RAB17: variants seen among roughly 807,000 people sequenced by gnomAD.
RAB17 encodes RAB17, member RAS oncogene family, also known as ras-related protein Rab-17.
In RAB17, 15 loss-of-function variants were observed where a neutral mutation model predicts 19.3. The ratio of observed to expected loss-of-function variants is 0.78; its 90% CI spans 0.52 to 1.20. The LOEUF is 1.20. Among genes scored for constraint, RAB17 ranks in the 50% most tolerant of loss-of-function variants. RAB17 has a pLI of 0.00. For synonymous variants in RAB17, 110 were observed against 112.8 expected, an observed-to-expected ratio of 0.97 and a Z score of 0.16; for missense variants, 262 against 269.3, an observed-to-expected ratio of 0.97 and a Z score of 0.19.
At chr2:237,582,350 G>T (rs953038626) in intron 2 of RAB17, among the ~76,000 whole-genome samples, 1 of 152,216 alleles carries the variant, frequency 6.6e-6, no homozygotes, top group African/African-American at 2.4e-5. Context: ...CCTCCTGAAG[G>T]CTGACCCCTC....
At chr2:237,582,423 C>T (rs532751450) in intron 2 of RAB17, among the ~76,000 whole-genome samples, 1 of 152,330 alleles carries the variant, frequency 6.6e-6, no homozygotes, top group African/African-American at 2.4e-5. Flanking sequence ...CATGGAGAGG[C>T]CACTCCAGGA....
At position 237,585,991 on chromosome 2, in the gene RAB17, C is replaced by G. The variant is rs760897786; in HGVS notation, c.157+7G>C. On this transcript the variant is annotated splice_region_variant and intron_variant, in intron 2 of 5. Transcript: ENST00000264601. ...GACCAACAAAGGGGTGCTCTGCCCT[C>G]ACTTACAGCCCACCGTAGGCAGGAT... 1 of 1,596,854 alleles carries G rather than the reference C, an allele frequency of 6.3e-7. No individual in the cohort carries two copies. The highest frequency in any genetic ancestry group is 8.5e-7 in the Non-Finnish European group (1 of 1,171,488).
At chr2:237,586,447 T>C (rs2081351161) in intron 1 of RAB17, among the ~76,000 whole-genome samples, 2 of 152,196 alleles carry the variant, frequency 1.3e-5, no homozygotes, top group Admixed American at 6.5e-5. Context: ...TGATTACATG[T>C]GACGGTCTCA....
At chr2:237,587,694 A>G (rs1294193237) in intron 1 of RAB17, among the ~76,000 whole-genome samples, 1 of 152,184 alleles carries the variant, frequency 6.6e-6, no homozygotes, top group African/African-American at 2.4e-5. Flanking sequence ...AGGGTTCCAC[A>G]TAGTAGACTC....
At chr2:237,585,751 C>A (rs936563583) in intron 2 of RAB17, among the ~76,000 whole-genome samples, 1 of 152,196 alleles carries the variant, frequency 6.6e-6, no homozygotes, top group African/African-American at 2.4e-5. Context: ...ACCCCAGAAT[C>A]TCCACCCCCT....
intron 4 of RAB17, among the ~76,000 whole-genome samples, chr2:237,576,374 A>C (rs1559393715): frequency 1.3e-5 from 2 of 152,054 alleles, no homozygotes; most frequent in Admixed American, 6.5e-5. Context: ...TGCCTGCCCA[A>C]GCACACAGCC....
At chr2:237,577,186 A>G (rs2081271911) in intron 4 of RAB17, 71 bp downstream of exon 4, 6 of 1,545,388 alleles carry the variant, frequency 3.9e-6, no homozygotes, top group Middle Eastern at 2.4e-4. Flanking sequence ...TGTGAGTGCC[A>G]AGGTCTTGAC....
At chr2:237,580,759 G>A (rs567690889) in intron 2 of RAB17, among the ~76,000 whole-genome samples, 2 of 151,910 alleles carry the variant, frequency 1.3e-5, no homozygotes, top group African/African-American at 2.4e-5. Flanking sequence ...AAAAGAAGGG[G>A]GGGGAGGAGG....
chr2:237,578,038 T>C lies in RAB17; in HGVS notation c.275A>G (p.Asn92Ser), dbSNP rs757339209. 3.1e-6 allele frequency: 5 copies of C among 1,612,448 alleles called. No homozygotes were observed. The highest frequency in any genetic ancestry group is 3.4e-6 in the Non-Finnish European group (4 of 1,178,574). The change falls in exon 3 of 6, where the codon AAC (asparagine) becomes AGC (serine). Residue 92 changes from asparagine to serine, a missense_variant. Coordinates refer to ENST00000264601, the MANE Select transcript of RAB17 (RefSeq NM_022449.4). ...GATGTCGTACACCAGAAGCGCAGCG[T>C]TGGCACCCCTGAAGTAGAGGTGGCA... ...SVCHLYFRGA[N>S]AALLVYDITR... is the part of the protein sequence containing the mutation.
In RAB17 at chr2:237,590,670, G is replaced by C. The variant is rs374546202; in HGVS notation, c.-207C>G. On this transcript the variant is annotated 5_prime_UTR_variant, in exon 1 of 6. Coordinates refer to ENST00000264601, the MANE Select transcript of RAB17 (RefSeq NM_022449.4). ...GGTCAAGAGCAGCAGCCTCGGACCA[G>C]AGCAATGCCCACTGGACCCCAGCGC... The C allele has an allele frequency of 6.5e-6, 1 of 153,340 alleles. No individual in the cohort carries two copies. The highest frequency in any genetic ancestry group is 2.4e-5 in the African/African-American group (1 of 41,586). The allele number at this position is 153,340 out of a possible 1,614,324, so 9.5% of individuals were successfully genotyped here. A position where few individuals can be genotyped will look rare whatever the true frequency, so the allele number is the denominator to read the frequency against.
At chr2:237,589,147 G>A (rs183424339) in intron 1 of RAB17, among the ~76,000 whole-genome samples, 54 of 150,068 alleles carry the variant, frequency 3.6e-4, no homozygotes. Context: ...TTGAACCCAG[G>A]AGGCAGAGGT....
At chr2:237,575,698 G>A in intron 4 of RAB17, 1 of 524,448 alleles carries the variant, frequency 1.9e-6, no homozygotes, top group Non-Finnish European at 3.4e-6. Context: ...CTAGCTGGCG[G>A]GGTGCGGCCT....
intron 4 of RAB17, among the ~76,000 whole-genome samples, chr2:237,576,398 TCA>T (rs1250262893): frequency 2.0e-5 from 3 of 151,866 alleles, no homozygotes; most frequent in Non-Finnish European, 4.4e-5. Context: ...GTAGTCACTC[TCA>T]GAGGGCACAG....
At chr2:237,582,877 G>A (rs577712744) in intron 2 of RAB17, among the ~76,000 whole-genome samples, 35 of 152,320 alleles carry the variant, frequency 2.3e-4, no homozygotes, top group African/African-American at 8.2e-4. Flanking sequence ...GAGGCCAAGG[G>A]TGGTGGATTC....
In RAB17 at chr2:237,574,485, C is replaced by T. The variant is rs1012492142; in HGVS notation, c.*534G>A. The T allele has an allele frequency of 6.4e-7, 1 of 1,550,704 alleles. No individual in the cohort carries two copies. The highest frequency in any genetic ancestry group is 8.7e-7 in the Non-Finnish European group (1 of 1,146,974). ...TGGAAGGGAACTGGCGCCACTGCCC[C>T]CAGCTGCCCTTCCCAGGGGCAACTT... On this transcript the variant is annotated 3_prime_UTR_variant, in exon 6 of 6. Coordinates refer to ENST00000264601, the MANE Select transcript of RAB17 (RefSeq NM_022449.4).
At chr2:237,578,520 C>A (rs529426274) in intron 2 of RAB17, 2 of 181,284 alleles carry the variant, frequency 1.1e-5, no homozygotes, top group East Asian at 2.8e-4. Flanking sequence ...GCTCTGGGAA[C>A]CCCTAGAGCC....
rs1387259917 is a variant in RAB17 at position 237,586,065 on chromosome 2, C to T, written c.90G>A (p.Val30=). The part of the protein sequence containing the change: ...FKLVLLGSGS[V]GKSSLALRYV... ...ACCGAAGAGCCAAGCTGGACTTACC[C>T]ACGGAGCCACTTCCCAGGAGAACCA... The change falls in exon 2 of 6, where the codon GTG becomes GTA. Residue 30 remains valine (V), a synonymous_variant. Transcript: ENST00000264601. 6.2e-7 allele frequency: 1 copy of T among 1,613,702 alleles called. No individual in the cohort carries two copies. The highest frequency in any genetic ancestry group is 1.7e-5 in the Admixed American group (1 of 59,984).
chr2:237,577,891 T>C, intron 3 of RAB17, 113 bp downstream of exon 3: 2 of 1,229,084 alleles, frequency 1.6e-6, no homozygotes, highest in Non-Finnish European at 2.3e-6. Context: ...TGACTGTTGC[T>C]CACTAATGGA....
intron 2 of RAB17, among the ~76,000 whole-genome samples, chr2:237,580,017 A>T (rs1257988291): frequency 6.6e-6 from 1 of 152,176 alleles, no homozygotes; most frequent in African/African-American, 2.4e-5. Context: ...ACCTCTGAAC[A>T]CACCAGATGC....
Sources: gnomAD v4.1 joint callset for allele counts (sites outside exome capture counted in the v4.1 genomes callset) on GRCh38, gnomAD v4.1.1 for gene constraint, MANE v1.5 for transcripts, NCBI Gene and HGNC (gene_info 2026-07-23, HGNC 2026-07-21) for gene names.